Variants in TGFBRAP1 observed in about 807,000 individuals in gnomAD.
TGFBRAP1 encodes transforming growth factor-beta receptor-associated protein 1.
A neutral mutation model predicts 83.2 loss-of-function variants in TGFBRAP1; 20 were observed. The ratio of observed to expected loss-of-function variants is 0.24; its 90% CI spans 0.17 to 0.35. TGFBRAP1 has a LOEUF of 0.35. Ranked by LOEUF, TGFBRAP1 falls within the 10% of genes least tolerant of loss-of-function variation. The pLI is 1.00. For synonymous variants in TGFBRAP1, 415 were observed against 459.8 expected (o/e 0.90, Z 1.25); for missense variants, 950 against 1,099.4 (o/e 0.86, Z 1.92).
rs765515996 is a variant in TGFBRAP1, at chr2:105,267,351, G to A, written c.*32C>T. 15 of 1,609,998 alleles carry A rather than the reference G, an allele frequency of 9.3e-6. No individual in the cohort carries two copies. The highest frequency in any genetic ancestry group is 5.0e-5 in the Admixed American group (3 of 59,728). On this transcript the variant is annotated 3_prime_UTR_variant, in exon 12 of 12. Coordinates refer to ENST00000393359, the MANE Select transcript of TGFBRAP1 (RefSeq NM_004257.6). ...TGTCCAGCAGGCTCAGAAAGAACTCGGAGTTCCCCTCGCACCCTTGGGCCA... is the reference window on the plus strand; with the variant it reads ...TGTCCAGCAGGCTCAGAAAGAACTCAGAGTTCCCCTCGCACCCTTGGGCCA...
At chr2:105,254,490 T>C in the TGFBRAP1 span, among the ~76,000 whole-genome samples, 1 of 152,116 alleles carries the variant, frequency 6.6e-6, no homozygotes, top group East Asian at 1.9e-4. Flanking sequence ...TAATTATATA[T>C]AGGAGAGTAT....
At position 105,269,756 on chromosome 2, in the gene TGFBRAP1, G is replaced by A. The variant is rs374268101; in HGVS notation, c.1973-51C>T. On this transcript the variant is annotated intron_variant, in intron 10 of 11. Coordinates refer to ENST00000393359, the MANE Select transcript of TGFBRAP1 (RefSeq NM_004257.6). The surrounding 1 kb of genome is among the most constrained non-coding windows in gnomAD (Gnocchi z 4.1). ...AAAGAAAGGGGCTCGCCGGCCACCC[G>A]CCCAGCGACTGGCCTCCTTGCTGCT... 5.5e-4 allele frequency: 799 copies of A among 1,445,234 alleles called. No homozygotes were observed. The highest frequency in any genetic ancestry group is 6.9e-4 in the Non-Finnish European group (755 of 1,101,508). The allele number at this position is 1,445,234 out of a possible 1,614,324, so 89.5% of individuals were successfully genotyped here.
chr2:105,283,471 C>T (rs1218050743), intron 5 of TGFBRAP1, among the ~76,000 whole-genome samples: 1 of 152,210 alleles, frequency 6.6e-6, no homozygotes, highest in Non-Finnish European at 1.5e-5. Flanking sequence ...CAGGGGCTTC[C>T]TATACATGTT....
chr2:105,267,775 T>C, intron 11 of TGFBRAP1: 1 of 985,474 alleles, frequency 1.0e-6, no homozygotes, highest in Non-Finnish European at 1.2e-6. Context: ...ATTGCTTTTC[T>C]TATTTCACAA....
At chr2:105,261,731 G>C (rs149155399), downstream of TGFBRAP1, among the ~76,000 whole-genome samples, 1 of 152,034 alleles carries the variant, frequency 6.6e-6, no homozygotes, top group African/African-American at 2.4e-5. Context: ...CAGCCTGGGC[G>C]ACAGAGCAAG....
At chr2:105,313,215 C>T (rs1678748069) in intron 1 of TGFBRAP1, among the ~76,000 whole-genome samples, 2 of 152,224 alleles carry the variant, frequency 1.3e-5, no homozygotes, top group South Asian at 4.1e-4. Flanking sequence ...TCCGGCTACA[C>T]ATGGGGTGGG....
Position 105,321,622 on chromosome 2 carries a change from G to A in TGFBRAP1, c.-18+8003C>T, listed in dbSNP as rs567880402. ...TAGACAGATAGCAATGTCCATCACA[G>A]GGGAAAACTGAACACAGTGGCGTGC... On this transcript the variant is annotated intron_variant, in intron 1 of 11. Coordinates refer to ENST00000393359, the MANE Select transcript of TGFBRAP1 (RefSeq NM_004257.6). Among the ~76,000 whole-genome samples the A allele has an allele frequency of 4.9e-4, 74 of 152,312 alleles. No homozygotes were observed. In the South Asian group the frequency reaches 0.015, roughly 31 times the overall value.
chr2:105,300,872 G>T (rs925948620), intron 2 of TGFBRAP1, among the ~76,000 whole-genome samples: 2 of 152,214 alleles, frequency 1.3e-5, no homozygotes, highest in Non-Finnish European at 2.9e-5. Context: ...CATCATCAGT[G>T]AGGAAAAGAT....
chr2:105,275,417 A>T, intron 8 of TGFBRAP1, 143 bp downstream of exon 8: 2 of 1,354,516 alleles, frequency 1.5e-6, no homozygotes, highest in Non-Finnish European at 2.0e-6. Context: ...GGAAGGTATT[A>T]AAAGGGGAAT....
At chr2:105,317,446 A>G (rs1678920425) in intron 1 of TGFBRAP1, among the ~76,000 whole-genome samples, 1 of 152,122 alleles carries the variant, frequency 6.6e-6, no homozygotes, top group Non-Finnish European at 1.5e-5. Context: ...AAAAAAAAAA[A>G]AAAGAAAGCT....
the TGFBRAP1 span, among the ~76,000 whole-genome samples, chr2:105,253,567 G>C: frequency 6.6e-6 from 1 of 152,184 alleles, no homozygotes; most frequent in Admixed American, 6.5e-5. Context: ...GAGTAGCTGG[G>C]ACTACAGGCG....
chr2:105,300,273 T>C (rs1311614442), intron 2 of TGFBRAP1, among the ~76,000 whole-genome samples: 1 of 152,158 alleles, frequency 6.6e-6, no homozygotes, highest in East Asian at 1.9e-4. Context: ...TCTTTCAATT[T>C]GCTTATAATT....
In TGFBRAP1 at chr2:105,329,683, C is replaced by A. The variant is rs1679320564; in HGVS notation, c.-76G>T. On this transcript the variant is annotated 5_prime_UTR_variant, in exon 1 of 12. Coordinates refer to ENST00000393359, the MANE Select transcript of TGFBRAP1 (RefSeq NM_004257.6). ...CGGCCTGGGGCCCCGCCGCCCCGCT[C>A]CGGCCCGCGGCTCCTGGGCTGGCCC... 2 of 147,148 alleles carry A rather than the reference C, an allele frequency of 1.4e-5. No homozygotes were observed. The highest frequency in any genetic ancestry group is 1.8e-4 in the South Asian group (1 of 5,572). The allele number at this position is 147,148 out of a possible 1,614,324, so 9.1% of individuals were successfully genotyped here.
intron 2 of TGFBRAP1, among the ~76,000 whole-genome samples, chr2:105,299,181 T>C (rs1359223302): frequency 6.6e-6 from 1 of 151,866 alleles, no homozygotes; most frequent in East Asian, 1.9e-4. Flanking sequence ...CTCGGGAGGC[T>C]AAGGTGGAAA....
intron 2 of TGFBRAP1, among the ~76,000 whole-genome samples, chr2:105,298,978 C>A (rs1362307409): frequency 6.6e-6 from 1 of 152,010 alleles, no homozygotes; most frequent in Non-Finnish European, 1.5e-5. Flanking sequence ...ACAAACTTAG[C>A]AAAATAAAAA....
intron 1 of TGFBRAP1, among the ~76,000 whole-genome samples, chr2:105,314,138 T>C (rs1031207878): frequency 2.6e-5 from 4 of 151,970 alleles, no homozygotes; most frequent in Non-Finnish European, 4.4e-5. Flanking sequence ...GAAGGAGATC[T>C]ATAAGCTAAG....
At chr2:105,268,771 G>T (rs1677035940) in intron 11 of TGFBRAP1, among the ~76,000 whole-genome samples, 1 of 152,238 alleles carries the variant, frequency 6.6e-6, no homozygotes, top group Non-Finnish European at 1.5e-5. Context: ...TCCCGAAGGT[G>T]AGTACAGTGT....
chr2:105,273,568 A>G lies in TGFBRAP1; in HGVS notation c.1788T>C (p.His596=). 7 of 1,614,204 alleles carry G rather than the reference A, an allele frequency of 4.3e-6. No individual in the cohort carries two copies. The highest frequency in any genetic ancestry group is 5.9e-6 in the Non-Finnish European group (7 of 1,180,034). ...CCTGCAGTCTCTTGTCTATCACAAGATGTTCCAGATACTTCACAAGGGCTT... is the reference window on the plus strand; with the variant it reads ...CCTGCAGTCTCTTGTCTATCACAAGGTGTTCCAGATACTTCACAAGGGCTT... The part of the protein sequence containing the change: ...YPKALVKYLE[H]LVIDKRLQKE... Residue 596 remains histidine, a synonymous_variant, in exon 9 of 12, where the codon CAT becomes CAC. Coordinates refer to ENST00000393359, the MANE Select transcript of TGFBRAP1 (RefSeq NM_004257.6).
At chr2:105,261,347 C>T (rs944162084), downstream of TGFBRAP1, among the ~76,000 whole-genome samples, 1 of 152,122 alleles carries the variant, frequency 6.6e-6, no homozygotes, top group Non-Finnish European at 1.5e-5. Flanking sequence ...ACCCCAGCTT[C>T]GTTGCACACA....
Sources: gnomAD v4.1 joint callset for allele counts (sites outside exome capture counted in the v4.1 genomes callset) on GRCh38, gnomAD v4.1.1 for gene constraint, Gnocchi (gnomAD v3.1) non-coding constraint, MANE v1.5 for transcripts, NCBI Gene and HGNC (gene_info 2026-07-23, HGNC 2026-07-21) for gene names.